The following SLC22A24 variants were observed in gnomAD, a reference collection of about 807,000 sequenced individuals.
SLC22A24 encodes solute carrier family 22 member 24.
Under a neutral mutation model 49.8 loss-of-function variants are expected in SLC22A24, and 53 were observed. That is an observed-to-expected ratio of 1.06 (90% confidence interval 0.85 to 1.34). The LOEUF (loss-of-function observed/expected upper bound fraction) is 1.34. SLC22A24 is among the 40% of genes most tolerant of loss of function. The pLI, the probability that SLC22A24 is intolerant of heterozygous loss-of-function variation, is 0.00. For synonymous variants in SLC22A24, 302 were observed against 256.4 expected, an observed-to-expected ratio of 1.18 and a Z score of -1.70; for missense variants, 786 against 675.9, an observed-to-expected ratio of 1.16 and a Z score of -1.81.
chr11:63,098,872 T>G (rs1270818311), intron 5 of SLC22A24, among the ~76,000 whole-genome samples: 7 of 151,794 alleles, frequency 4.6e-5, no homozygotes, highest in African/African-American at 1.7e-4. Flanking sequence ...ATTGACAAAC[T>G]TCTAGGCTAA....
In SLC22A24 at chr11:63,108,042, C is replaced by A. The variant is rs908508637; in HGVS notation, c.831-3744G>T. On this transcript the variant is annotated intron_variant, in intron 4 of 9. Coordinates refer to ENST00000612278, the MANE Select transcript of SLC22A24 (RefSeq NM_001136506.2). ...TCAAAGGGAATGCTTCCAGTTTTTG[C>A]CCATTCAGTATGATATTGGCTGTGG... Among the ~76,000 whole-genome samples the A allele has an allele frequency of 7.3e-5, 11 of 151,248 alleles. No homozygotes were observed. The East Asian group carries it at 2.1e-3, about 29-fold the overall frequency.
intron 4 of SLC22A24, chr11:63,118,544 T>C: frequency 2.3e-6 from 1 of 443,944 alleles, no homozygotes; most frequent in Non-Finnish European, 4.0e-6. Flanking sequence ...TGTAGATAAA[T>C]TTATTGTGTT....
chr11:63,099,848 T>A (rs970536456), intron 5 of SLC22A24, among the ~76,000 whole-genome samples: 3 of 152,096 alleles, frequency 2.0e-5, no homozygotes, highest in African/African-American at 7.2e-5. Context: ...CAGTTGATGC[T>A]GAAAAAGCAT....
At chr11:63,081,814 C>T (rs556312321) in intron 7 of SLC22A24, 148 bp from the exon 8 acceptor site, 86 of 644,798 alleles carry the variant, frequency 1.3e-4, no homozygotes, top group East Asian at 3.8e-4. Context: ...GGAATGGTTG[C>T]GAGGCTGAGA....
At chr11:63,110,908 G>C (rs2087158516) in intron 4 of SLC22A24, among the ~76,000 whole-genome samples, 1 of 150,586 alleles carries the variant, frequency 6.6e-6, no homozygotes, top group Non-Finnish European at 1.5e-5. Context: ...GGTGAGAGAG[G>C]GCATCCCTGT....
At position 63,096,188 on chromosome 11, in the gene SLC22A24, T is replaced by C. The variant is rs535852110; in HGVS notation, c.955-82A>G. 7.2e-5 allele frequency: 63 copies of C among 877,898 alleles called. 2 individuals carry two copies. The highest frequency in any genetic ancestry group is 1.7e-5 in the African/African-American group (1 of 59,880). The allele number at this position is 877,898 out of a possible 1,614,324, so 54.4% of individuals were successfully genotyped here. ...TAGTGGTAAGTACTAGAGAACAAGATAGACATATTGTAAACTATCCTCAAG... is the reference window on the plus strand; with the variant it reads ...TAGTGGTAAGTACTAGAGAACAAGACAGACATATTGTAAACTATCCTCAAG... On this transcript the variant is annotated intron_variant, in intron 5 of 9. Coordinates refer to ENST00000612278, the MANE Select transcript of SLC22A24 (RefSeq NM_001136506.2).
intron 2 of SLC22A24, among the ~76,000 whole-genome samples, chr11:63,127,565 C>A (rs574710216): frequency 1.4e-4 from 22 of 152,164 alleles, no homozygotes; most frequent in Non-Finnish European, 3.1e-4. Flanking sequence ...CTATCTTCCA[C>A]AATGGTTGAA....
chr11:63,119,276 C>T lies in SLC22A24; in HGVS notation c.566G>A (p.Cys189Tyr). The T allele has an allele frequency of 6.4e-7, 1 of 1,551,418 alleles. No individual in the cohort carries two copies. The highest frequency in any genetic ancestry group is 8.7e-7 in the Non-Finnish European group (1 of 1,146,850). The change falls in exon 3 of 10, where the codon TGT (cysteine) becomes TAT (tyrosine). Residue 189 changes from cysteine (C) to tyrosine (Y), a missense_variant. Cys to Tyr is a radical substitution (Grantham distance 194). Coordinates refer to ENST00000612278, the MANE Select transcript of SLC22A24 (RefSeq NM_001136506.2). Reference sequence around the variant, plus strand: ...AAGGAAGGTGGGAGCGAAGGCCGCACAGGTGTTAGAGATGGCCAGCTGGAG... The same window carrying T: ...AAGGAAGGTGGGAGCGAAGGCCGCATAGGTGTTAGAGATGGCCAGCTGGAG... ...CFLQLAISNT[C>Y]AAFAPTFLVY...
chr11:63,137,157 G>A (rs182426091), intron 1 of SLC22A24, among the ~76,000 whole-genome samples: 3 of 152,116 alleles, frequency 2.0e-5, no homozygotes, highest in Non-Finnish European at 4.4e-5. Context: ...AGGAGGTCTC[G>A]GTTGGTTCTT....
chr11:63,118,120 G>T (rs2087224609), intron 4 of SLC22A24, among the ~76,000 whole-genome samples: 1 of 152,160 alleles, frequency 6.6e-6, no homozygotes, highest in Non-Finnish European at 1.5e-5. Flanking sequence ...GGGTCTTAGG[G>T]GAGCCAGCAG....
At chr11:63,130,717 C>A (rs1369781386) in intron 2 of SLC22A24, among the ~76,000 whole-genome samples, 8 of 152,042 alleles carry the variant, frequency 5.3e-5, no homozygotes, top group Non-Finnish European at 1.5e-5. Flanking sequence ...GTGTATTTGT[C>A]CAGGAATTTA....
chr11:63,131,165 C>T (rs1241394093), intron 2 of SLC22A24, among the ~76,000 whole-genome samples: 1 of 151,938 alleles, frequency 6.6e-6, no homozygotes, highest in Non-Finnish European at 1.5e-5. Flanking sequence ...AGCCTATACA[C>T]GTCTTTGTAT....
intron 6 of SLC22A24, among the ~76,000 whole-genome samples, chr11:63,094,608 G>A (rs1187136390): frequency 6.6e-6 from 1 of 152,204 alleles, no homozygotes. Flanking sequence ...CAGTGTGAAA[G>A]TGTTCCTGTT....
chr11:63,128,940 G>A (rs879383022), intron 2 of SLC22A24, among the ~76,000 whole-genome samples: 9 of 152,056 alleles, frequency 5.9e-5, no homozygotes, highest in Admixed American at 5.2e-4. Context: ...TCTGTACATG[G>A]GGAGAAAAAC....
intron 1 of SLC22A24, among the ~76,000 whole-genome samples, chr11:63,135,861 G>A (rs1423732202): frequency 6.6e-6 from 1 of 152,188 alleles, no homozygotes; most frequent in East Asian, 1.9e-4. Context: ...TTGCAAAGGA[G>A]ACGAGAGCCT....
In SLC22A24 at chr11:63,143,788, A is replaced by G. The variant is rs2087433668; in HGVS notation, c.-9T>C. The G allele has an allele frequency of 7.3e-7, 1 of 1,375,030 alleles. No individual in the cohort carries two copies. The highest frequency in any genetic ancestry group is 9.4e-7 in the Non-Finnish European group (1 of 1,059,542). 85.2% of individuals were successfully genotyped at this position (1,375,030 alleles called of 1,614,324 possible). A position where few individuals can be genotyped will look rare whatever the true frequency, so the allele number is the denominator to read the frequency against. Reference sequence around the variant, plus strand: ...AGCACATCAAAGCCCATTGAGACTGAACAGGTGATCCCCAAGAGGAAGCAC... The same window carrying G: ...AGCACATCAAAGCCCATTGAGACTGGACAGGTGATCCCCAAGAGGAAGCAC... On this transcript the variant is annotated 5_prime_UTR_variant, in exon 1 of 10. Transcript: ENST00000612278.
intron 4 of SLC22A24, among the ~76,000 whole-genome samples, chr11:63,112,723 C>T (rs2087175092): frequency 6.6e-6 from 1 of 151,888 alleles, no homozygotes; most frequent in African/African-American, 2.4e-5. Context: ...GGGCATTTAG[C>T]CCATTTACAT....
chr11:63,135,982 G>A (rs1429665352), intron 1 of SLC22A24, among the ~76,000 whole-genome samples: 1 of 152,196 alleles, frequency 6.6e-6, no homozygotes, highest in Non-Finnish European at 1.5e-5. Context: ...AAAGAACTCA[G>A]CGTTGACCAT....
chr11:63,118,535 G>T, intron 4 of SLC22A24: 2 of 417,540 alleles, frequency 4.8e-6, no homozygotes, highest in Non-Finnish European at 8.5e-6. Flanking sequence ...AAATAGTTAT[G>T]TAGATAAATT....
Sources: gnomAD v4.1 joint callset for allele counts (sites outside exome capture counted in the v4.1 genomes callset) on GRCh38, gnomAD v4.1.1 for gene constraint, MANE v1.5 for transcripts, NCBI Gene and HGNC (gene_info 2026-07-23, HGNC 2026-07-21) for gene names.